Variants in RNU5B-1 observed in about 807,000 individuals in gnomAD.
RNU5B-1 encodes the protein RNA, U5B small nuclear pseudogene 1.
chr15:65,304,757 T>C (rs982755436), exon 1 of RNU5B-1: 6 of 152,208 alleles, frequency 3.9e-5, no homozygotes, highest in African/African-American at 9.6e-5. Flanking sequence ...CTCTGAGTCT[T>C]AAGCTAATTT....
At chr15:65,304,737 A>G (rs750841848) in exon 1 of RNU5B-1, 12 of 152,304 alleles carry the variant, frequency 7.9e-5, no homozygotes, top group South Asian at 2.1e-4. Context: ...ATTTCCGTGG[A>G]GAGGAACAAC....
exon 1 of RNU5B-1, chr15:65,304,785 A>C (rs186315738): frequency 6.6e-6 from 1 of 151,592 alleles, no homozygotes; most frequent in East Asian, 1.9e-4. Flanking sequence ...CCTTGTTCCG[A>C]CAAGGCTATA....
chr15:65,304,688 T>C (rs1013792993), exon 1 of RNU5B-1: 1 of 152,240 alleles, frequency 6.6e-6, no homozygotes, highest in African/African-American at 2.4e-5. Flanking sequence ...TACTCTGGTT[T>C]CTCTTCAGAT....
At chr15:65,304,681 T>C (rs747746128) in exon 1 of RNU5B-1, 4 of 152,336 alleles carry the variant, frequency 2.6e-5, no homozygotes, top group Non-Finnish European at 4.4e-5. Context: ...ACAAGCATAC[T>C]CTGGTTTCTC....
exon 1 of RNU5B-1, chr15:65,304,731 C>G (rs764517401): frequency 6.6e-6 from 1 of 152,118 alleles, no homozygotes. Context: ...CTAAAGATTT[C>G]CGTGGAGAGG....
exon 1 of RNU5B-1, chr15:65,304,724 A>G (rs1258934490): frequency 1.3e-5 from 2 of 152,134 alleles, no homozygotes; most frequent in Non-Finnish European, 2.9e-5. Context: ...CCTTTTACTA[A>G]AGATTTCCGT....
chr15:65,304,753 G>A (rs974112211), exon 1 of RNU5B-1: 9 of 152,144 alleles, frequency 5.9e-5, no homozygotes, highest in South Asian at 4.1e-4. Flanking sequence ...ACAACTCTGA[G>A]TCTTAAGCTA....
exon 1 of RNU5B-1, chr15:65,304,781 T>C (rs1248177071): frequency 1.3e-5 from 2 of 151,974 alleles, no homozygotes; most frequent in African/African-American, 2.4e-5. Flanking sequence ...GAGGCCTTGT[T>C]CCGACAAGGC....
chr15:65,304,765 T>C (rs551427556), exon 1 of RNU5B-1: 4 of 152,272 alleles, frequency 2.6e-5, no homozygotes, highest in South Asian at 2.1e-4. Context: ...CTTAAGCTAA[T>C]TTTTTGAGGC....
exon 1 of RNU5B-1, chr15:65,304,732 C>T (rs188466806): frequency 3.4e-4 from 52 of 152,212 alleles, no homozygotes; most frequent in Non-Finnish European, 4.9e-4. Context: ...TAAAGATTTC[C>T]GTGGAGAGGA....
exon 1 of RNU5B-1, chr15:65,304,753 G>T (rs974112211): frequency 6.6e-6 from 1 of 152,144 alleles, no homozygotes; most frequent in African/African-American, 2.4e-5. Flanking sequence ...ACAACTCTGA[G>T]TCTTAAGCTA....
chr15:65,304,682 C>G (rs769808324), exon 1 of RNU5B-1: 11 of 152,316 alleles, frequency 7.2e-5, no homozygotes, highest in South Asian at 2.1e-4. Context: ...CAAGCATACT[C>G]TGGTTTCTCT....
In RNU5B-1 at chr15:65,304,742, A is replaced by G. The variant is rs57214026; in HGVS notation, n.66A>G. 1.5e-4 allele frequency: 23 copies of G among 152,286 alleles called. No homozygotes were observed. The East Asian group carries it at 3.3e-3, about 22-fold the overall frequency. The allele number at this position is 152,286 out of a possible 1,614,324, so 9.4% of individuals were successfully genotyped here. ...TTTACTAAAGATTTCCGTGGAGAGG[A>G]ACAACTCTGAGTCTTAAGCTAATTT... On this transcript the variant is annotated non_coding_transcript_exon_variant, in exon 1 of 1. Coordinates refer to ENST00000363286, the Ensembl canonical transcript of RNU5B-1.
chr15:65,304,731 C>T (rs764517401), exon 1 of RNU5B-1: 23 of 152,118 alleles, frequency 1.5e-4, no homozygotes, highest in African/African-American at 2.2e-4. Flanking sequence ...CTAAAGATTT[C>T]CGTGGAGAGG....
chr15:65,304,702 A>G (rs367603751), exon 1 of RNU5B-1: 51 of 152,202 alleles, frequency 3.4e-4, no homozygotes, highest in East Asian at 7.7e-4. Flanking sequence ...TTCAGATCGT[A>G]TAAATCTTTC....
At chr15:65,304,723 A>G (rs1469416906) in exon 1 of RNU5B-1, 1 of 152,164 alleles carries the variant, frequency 6.6e-6, no homozygotes, top group African/African-American at 2.4e-5. Flanking sequence ...GCCTTTTACT[A>G]AAGATTTCCG....
rs891010131 is a variant in RNU5B-1 at position 65,304,773 on chromosome 15, G to A, written n.97G>A. 5.3e-5 allele frequency: 8 copies of A among 152,102 alleles called. No homozygotes were observed. In the South Asian group the frequency reaches 6.2e-4, roughly 12 times the overall value. The allele number at this position is 152,102 out of a possible 1,614,324, so 9.4% of individuals were successfully genotyped here. On this transcript the variant is annotated non_coding_transcript_exon_variant, in exon 1 of 1. Transcript: ENST00000363286. ...TCTGAGTCTTAAGCTAATTTTTTGAGGCCTTGTTCCGACAAGGCTATATAA... is the reference window on the plus strand; with the variant it reads ...TCTGAGTCTTAAGCTAATTTTTTGAAGCCTTGTTCCGACAAGGCTATATAA...
chr15:65,304,778 T>C (rs954559979), exon 1 of RNU5B-1: 2 of 152,096 alleles, frequency 1.3e-5, no homozygotes, highest in African/African-American at 2.4e-5. Context: ...TTTGAGGCCT[T>C]GTTCCGACAA....
chr15:65,304,789 G>A (rs936786445), exon 1 of RNU5B-1: 10 of 150,976 alleles, frequency 6.6e-5, no homozygotes, highest in Admixed American at 1.3e-4. Context: ...GTTCCGACAA[G>A]GCTATATAAA....
Sources: allele counts gnomAD v4.1 joint callset, GRCh38; gene constraint gnomAD v4.1.1; transcripts MANE v1.5; gene names NCBI Gene and HGNC (gene_info 2026-07-23, HGNC 2026-07-21).